RAPGEF4: variants seen among roughly 807,000 people sequenced by gnomAD.
RAPGEF4 encodes Rap guanine nucleotide exchange factor 4, also known as RAP guanine-nucleotide-exchange factor (GEF) 4.
A neutral mutation model predicts 147.9 loss-of-function variants in RAPGEF4; 66 were observed. The ratio of observed to expected loss-of-function variants is 0.45; its 90% CI spans 0.37 to 0.55. The LOEUF (loss-of-function observed/expected upper bound fraction) is 0.55. Ranked by LOEUF, RAPGEF4 falls within the 20% of genes least tolerant of loss-of-function variation. RAPGEF4 has a pLI of 0.00. For missense variants in RAPGEF4, 1,071 were observed against 1,257.3 expected (o/e 0.85, Z 2.24); for synonymous variants, 419 against 442.7 (o/e 0.95, Z 0.67).
At chr2:172,839,248 A>G (rs1328299102) in intron 4 of RAPGEF4, among the ~76,000 whole-genome samples, 1 of 152,088 alleles carries the variant, frequency 6.6e-6, no homozygotes, top group African/African-American at 2.4e-5. Flanking sequence ...GATCTCACAC[A>G]AGAAAGAATT....
chr2:172,958,372 A>G (rs1301661464), intron 6 of RAPGEF4, among the ~76,000 whole-genome samples: 2 of 152,222 alleles, frequency 1.3e-5, no homozygotes, highest in Non-Finnish European at 2.9e-5. Flanking sequence ...AGAACCTGGG[A>G]ACTCACAACT....
At chr2:172,957,225 T>C (rs1308081982) in intron 6 of RAPGEF4, among the ~76,000 whole-genome samples, 3 of 152,252 alleles carry the variant, frequency 2.0e-5, no homozygotes, top group Non-Finnish European at 2.9e-5. Context: ...GCTTGCTTTC[T>C]TTGTTTCTCA....
At chr2:172,820,260 T>G (rs3769305) in intron 4 of RAPGEF4, among the ~76,000 whole-genome samples, 8 of 152,244 alleles carry the variant, frequency 5.3e-5, no homozygotes, top group Non-Finnish European at 1.2e-4. Flanking sequence ...CTTGAACTAG[T>G]GGTTACCACC....
intron 22 of RAPGEF4, 37 bp downstream of exon 22, chr2:173,018,839 T>C: frequency 6.2e-7 from 1 of 1,600,336 alleles, no homozygotes. Flanking sequence ...CTCTGCAAAA[T>C]GGGACATTCC....
intron 3 of RAPGEF4, among the ~76,000 whole-genome samples, chr2:172,807,473 C>T (rs1687615729): frequency 6.6e-6 from 1 of 152,276 alleles, no homozygotes; most frequent in East Asian, 1.9e-4. Context: ...AGTATTTTGC[C>T]CTCTTGATTT....
At chr2:172,800,925 G>A (rs1486261377) in intron 3 of RAPGEF4, among the ~76,000 whole-genome samples, 1 of 152,170 alleles carries the variant, frequency 6.6e-6, no homozygotes, top group Non-Finnish European at 1.5e-5. Context: ...CCCCAATGAG[G>A]AGGGAAATGG....
intron 4 of RAPGEF4, among the ~76,000 whole-genome samples, chr2:172,854,258 T>C (rs1693170605): frequency 1.3e-5 from 2 of 152,072 alleles, no homozygotes; most frequent in Non-Finnish European, 2.9e-5. Context: ...TAACATTTTG[T>C]TATTAGGCAT....
intron 12 of RAPGEF4, among the ~76,000 whole-genome samples, chr2:172,986,768 A>T (rs1243954034): frequency 1.3e-5 from 2 of 150,160 alleles, no homozygotes; most frequent in Non-Finnish European, 2.9e-5. Context: ...ACCTTGGCTC[A>T]CTGCAACCTT....
intron 4 of RAPGEF4, among the ~76,000 whole-genome samples, chr2:172,874,908 G>A (rs1479302090): frequency 6.6e-6 from 1 of 152,166 alleles, no homozygotes; most frequent in African/African-American, 2.4e-5. Context: ...TCCAGCACCT[G>A]TTGTTTCCTA....
chr2:172,782,496 C>G (rs181166398), intron 1 of RAPGEF4, among the ~76,000 whole-genome samples: 26 of 152,334 alleles, frequency 1.7e-4, no homozygotes, highest in African/African-American at 6.3e-4. Flanking sequence ...GTCCCCTTCT[C>G]TAACTCTTTC....
chr2:172,917,686 A>T, intron 4 of RAPGEF4, 116 bp from the exon 5 acceptor site: 2 of 865,316 alleles, frequency 2.3e-6, no homozygotes, highest in Non-Finnish European at 3.8e-6. Context: ...TGGCTCTATA[A>T]ATACAAGGCT....
At chr2:172,955,744 C>T (rs1211936842) in intron 6 of RAPGEF4, among the ~76,000 whole-genome samples, 1 of 152,174 alleles carries the variant, frequency 6.6e-6, no homozygotes, top group Non-Finnish European at 1.5e-5. Flanking sequence ...CTACTCTGTG[C>T]CGTCCCGCTG....
chr2:173,028,545 C>T (rs750660270), intron 25 of RAPGEF4, among the ~76,000 whole-genome samples: 1 of 152,146 alleles, frequency 6.6e-6, no homozygotes, highest in Non-Finnish European at 1.5e-5. Flanking sequence ...TCAGAACACC[C>T]AGGACTTTTT....
intron 4 of RAPGEF4, among the ~76,000 whole-genome samples, chr2:172,817,331 T>C (rs1418337078): frequency 6.6e-6 from 1 of 152,242 alleles, no homozygotes. Flanking sequence ...TGATGATCTA[T>C]ACATGGCATA....
intron 1 of RAPGEF4, among the ~76,000 whole-genome samples, chr2:172,749,604 G>C (rs1265548932): frequency 6.6e-6 from 1 of 152,212 alleles, no homozygotes; most frequent in Non-Finnish European, 1.5e-5. Flanking sequence ...GATGGGAAGG[G>C]CTGCTGCAAA....
chr2:172,745,101 A>C (rs946438821), intron 1 of RAPGEF4, among the ~76,000 whole-genome samples: 5 of 152,164 alleles, frequency 3.3e-5, no homozygotes, highest in African/African-American at 9.6e-5. Flanking sequence ...TTCTGGCTTA[A>C]TCAAGTGAAT....
chr2:173,047,152 A>G (rs1268157774), intron 29 of RAPGEF4, among the ~76,000 whole-genome samples: 1 of 86,920 alleles, frequency 1.2e-5, no homozygotes, highest in African/African-American at 4.1e-5. Flanking sequence ...GTCCTGAAAC[A>G]TACATAGTGA....
chr2:173,041,079 CTT>C (rs1475780302), intron 29 of RAPGEF4, among the ~76,000 whole-genome samples: 5 of 152,064 alleles, frequency 3.3e-5, no homozygotes, highest in African/African-American at 1.2e-4. Context: ...ATAGGGCAAA[CTT>C]TTATACTTCT....
intron 10 of RAPGEF4, among the ~76,000 whole-genome samples, chr2:172,976,488 T>A (rs1691080616): frequency 6.6e-6 from 1 of 152,128 alleles, no homozygotes; most frequent in South Asian, 2.1e-4. Context: ...GAGAATCAGG[T>A]GGATTGAGAT....
Sources: allele counts gnomAD v4.1 joint callset (sites outside exome capture counted in the v4.1 genomes callset), GRCh38; gene constraint gnomAD v4.1.1; transcripts MANE v1.5; gene names NCBI Gene and HGNC (gene_info 2026-07-23, HGNC 2026-07-21).